The following C13orf42 variants were observed in gnomAD, a reference collection of about 807,000 sequenced individuals.
C13orf42 encodes chromosome 13 open reading frame 42.
At chr13:51,171,541 C>G (rs1953952115) in intron 1 of C13orf42, among the ~76,000 whole-genome samples, 1 of 152,078 alleles carries the variant, frequency 6.6e-6, no homozygotes, top group Non-Finnish European at 1.5e-5. Flanking sequence ...CCTTCCTCCC[C>G]AGGCTGCTCC....
intron 1 of C13orf42, among the ~76,000 whole-genome samples, chr13:51,120,243 AG>A (rs1362360299): frequency 1.3e-5 from 2 of 152,278 alleles, no homozygotes; most frequent in Non-Finnish European, 2.9e-5. Flanking sequence ...TTTACCTATC[AG>A]GTATGATTAT....
chr13:51,113,033 G>C (rs1953450462), upstream of C13orf42, among the ~76,000 whole-genome samples: 2 of 152,190 alleles, frequency 1.3e-5, no homozygotes, highest in South Asian at 4.1e-4. Context: ...AGTAGCTTGT[G>C]CCTGTGGGTT....
intron 1 of C13orf42, among the ~76,000 whole-genome samples, chr13:51,135,523 G>C (rs1953650962): frequency 6.6e-6 from 1 of 151,620 alleles, no homozygotes; most frequent in African/African-American, 2.4e-5. Flanking sequence ...CATGGTGGCA[G>C]GCGCCTGTAG....
intron 1 of C13orf42, among the ~76,000 whole-genome samples, chr13:51,159,592 T>A (rs1953849050): frequency 6.6e-6 from 1 of 152,196 alleles, no homozygotes; most frequent in African/African-American, 2.4e-5. Context: ...GTTATTCCAC[T>A]GCTGTGCTGA....
chr13:51,110,738 G>A, intron 1 of C13orf42, 58 bp downstream of exon 1: 1 of 398,052 alleles, frequency 2.5e-6, no homozygotes. Context: ...CTTTCAAACA[G>A]TTGCCCAAGG....
At chr13:51,113,000 G>A (rs1422631271), upstream of C13orf42, among the ~76,000 whole-genome samples, 1 of 152,134 alleles carries the variant, frequency 6.6e-6, no homozygotes. Context: ...GTAGCCACAG[G>A]CTATGACTAC....
chr13:51,109,424 A>G (rs1953401341), intron 1 of C13orf42, among the ~76,000 whole-genome samples: 2 of 152,164 alleles, frequency 1.3e-5, no homozygotes, highest in Admixed American at 1.3e-4. Flanking sequence ...AGTATACAAC[A>G]AAACAGCCTT....
In C13orf42 at chr13:51,133,505, A is replaced by G. The variant is rs543563140; in HGVS notation, n.137-20283T>C. Among the ~76,000 whole-genome samples, 8 of 152,290 alleles carry G rather than the reference A, an allele frequency of 5.3e-5. No homozygotes were observed. The South Asian group carries it at 1.7e-3, about 32-fold the overall frequency. ...ATATTTTATCACAATTTTAAAAACT[A>G]TAAAAAATTTTCTCTACTGAACATG... On this transcript the variant is annotated intron_variant and non_coding_transcript_variant, in intron 1 of 4. Transcript: ENST00000433280.
chr13:51,134,458 C>T (rs889164811), intron 1 of C13orf42, among the ~76,000 whole-genome samples: 1 of 152,202 alleles, frequency 6.6e-6, no homozygotes, highest in African/African-American at 2.4e-5. Flanking sequence ...GGGGCCGTTA[C>T]AGAGTGTAGA....
chr13:51,108,204 T>C (rs918924086), intron 1 of C13orf42, among the ~76,000 whole-genome samples: 5 of 152,226 alleles, frequency 3.3e-5, no homozygotes, highest in Admixed American at 1.3e-4. Context: ...GACCTCATCG[T>C]AACTAATTAC....
chr13:51,141,797 C>A (rs1273300488), intron 1 of C13orf42, among the ~76,000 whole-genome samples: 2 of 150,406 alleles, frequency 1.3e-5, no homozygotes, highest in African/African-American at 4.9e-5. Flanking sequence ...GACTCCATCT[C>A]AAAAAAAAAC....
intron 1 of C13orf42, among the ~76,000 whole-genome samples, chr13:51,143,295 G>C (rs1025982377): frequency 1.3e-5 from 2 of 152,180 alleles, no homozygotes; most frequent in African/African-American, 4.8e-5. Flanking sequence ...GGGGGAAGAG[G>C]TGGGCGCATA....
At chr13:51,141,791 C>T (rs1953698049) in intron 1 of C13orf42, among the ~76,000 whole-genome samples, 1 of 119,926 alleles carries the variant, frequency 8.3e-6, no homozygotes, top group African/African-American at 3.3e-5. Context: ...GAGTTAGACT[C>T]CATCTCAAAA....
intron 1 of C13orf42, among the ~76,000 whole-genome samples, chr13:51,152,006 C>CAGGAG (rs1953781504): frequency 6.6e-6 from 1 of 152,178 alleles, no homozygotes; most frequent in Non-Finnish European, 1.5e-5. Flanking sequence ...CCAGCCCTAC[C>CAGGAG]AGGAGAGAAT....
chr13:51,114,842 G>T (rs1477548689), upstream of C13orf42, among the ~76,000 whole-genome samples: 1 of 152,174 alleles, frequency 6.6e-6, no homozygotes, highest in Non-Finnish European at 1.5e-5. Context: ...AAATAATAAT[G>T]TGTTGTATTT....
At chr13:51,172,151 A>C (rs936618744) in intron 1 of C13orf42, 1 of 152,254 alleles carries the variant, frequency 6.6e-6, no homozygotes, top group South Asian at 2.1e-4. Context: ...CACGTGCCAG[A>C]AATCTGGCCA....
chr13:51,153,503 T>A (rs1953797631), intron 1 of C13orf42, among the ~76,000 whole-genome samples: 1 of 151,830 alleles, frequency 6.6e-6, no homozygotes, highest in African/African-American at 2.4e-5. Context: ...TCTCCTACTT[T>A]AAAAAAAATT....
chr13:51,085,241 G>A (rs1953109168), intron 3 of C13orf42, 78 bp downstream of exon 3: 1 of 389,460 alleles, frequency 2.6e-6, no homozygotes, highest in Non-Finnish European at 4.5e-6. Flanking sequence ...GATGGGGCTG[G>A]AGGCACCTTA....
upstream of C13orf42, among the ~76,000 whole-genome samples, chr13:51,113,566 T>TTGTGTG (rs3990095): frequency 4.7e-5 from 7 of 148,006 alleles, no homozygotes; most frequent in African/African-American, 1.7e-4. Flanking sequence ...AAAGTGTATT[T>TTGTGTG]TGTGTGTGTG....
Sources: allele counts gnomAD v4.1 joint callset (sites outside exome capture counted in the v4.1 genomes callset), GRCh38; gene constraint gnomAD v4.1.1; transcripts MANE v1.5; gene names NCBI Gene and HGNC (gene_info 2026-07-23, HGNC 2026-07-21).